Variants in AKAP6 observed in about 807,000 individuals in gnomAD.
AKAP6 encodes the protein A-kinase anchoring protein 6, also known as A-kinase anchor protein 6.
A neutral mutation model predicts 188.5 loss-of-function variants in AKAP6; 58 were observed. The ratio of observed to expected loss-of-function variants is 0.31; its 90% CI spans 0.25 to 0.38. The LOEUF is 0.38. Ranked by LOEUF, AKAP6 falls within the 10% of genes least tolerant of loss-of-function variation. The pLI is 1.00. For synonymous variants in AKAP6, 989 were observed against 998.6 expected, an observed-to-expected ratio of 0.99 and a Z score of 0.18; for missense variants, 2,710 against 2,740.0, an observed-to-expected ratio of 0.99 and a Z score of 0.24.
chr14:32,539,757 TCA>T (rs1324179962), intron 3 of AKAP6, among the ~76,000 whole-genome samples: 1 of 152,218 alleles, frequency 6.6e-6, no homozygotes, highest in African/African-American at 2.4e-5. Context: ...TTGTTGTACT[TCA>T]CAGTTGCTTG....
In AKAP6 at chr14:32,824,367, C is replaced by G. The variant is rs778491883; in HGVS notation, c.6554C>G (p.Ala2185Gly). The G allele has an allele frequency of 5.6e-6, 9 of 1,613,820 alleles. No homozygotes were observed. The highest frequency in any genetic ancestry group is 4.0e-5 in the African/African-American group (3 of 74,920). The change falls in exon 13 of 14, where the codon GCT becomes GGT. Residue 2185 changes from alanine (A) to glycine (G), a missense_variant. Physicochemically the swap from Ala to Gly is moderately conservative, Grantham distance 60. Around this residue, in one of 2 missense-constraint regions of AKAP6, gnomAD observed 2,473 missense variants for 2,426.1 expected, o/e 1.02. Coordinates refer to ENST00000280979, the MANE Select transcript of AKAP6 (RefSeq NM_004274.5). ...PPNESAVPSE[A>G]AMPLQATACS... Reference sequence around the variant, plus strand: ...AATGAATCTGCAGTTCCCAGCGAAGCTGCAATGCCACTACAAGCAACAGCA... The same window carrying G: ...AATGAATCTGCAGTTCCCAGCGAAGGTGCAATGCCACTACAAGCAACAGCA...
intron 2 of AKAP6, among the ~76,000 whole-genome samples, chr14:32,448,412 G>T (rs915302234): frequency 6.6e-6 from 1 of 151,998 alleles, no homozygotes; most frequent in Non-Finnish European, 1.5e-5. Context: ...GTAATAATTC[G>T]AGTGAGCTAC....
In AKAP6 at chr14:32,830,054, G is replaced by C. The variant is rs1484185811; in HGVS notation, c.*249G>C. On this transcript the variant is annotated 3_prime_UTR_variant, in exon 14 of 14. Transcript: ENST00000280979. ...ATCGTCTTTGAAGTTCAGCAAAGCT[G>C]CTTGTTCTCCCATGGATTCCTGTCC... 8.8e-6 allele frequency: 6 copies of C among 680,188 alleles called. No individual in the cohort carries two copies. Among genetic ancestry groups the C allele is most frequent in the Non-Finnish European group, 1.3e-5 (5 of 372,508 alleles). The allele number at this position is 680,188 out of a possible 1,614,324, so 42.1% of individuals were successfully genotyped here. A position where few individuals can be genotyped will look rare whatever the true frequency, so the allele number is the denominator to read the frequency against.
chr14:32,679,359 C>T (rs1285682500), intron 8 of AKAP6, among the ~76,000 whole-genome samples: 3 of 151,904 alleles, frequency 2.0e-5, no homozygotes, highest in Non-Finnish European at 4.4e-5. Flanking sequence ...GAAACAGTAA[C>T]CTATTTTACT....
chr14:32,524,208 G>C (rs1213187250), intron 2 of AKAP6, among the ~76,000 whole-genome samples: 4 of 152,018 alleles, frequency 2.6e-5, no homozygotes, highest in Admixed American at 1.3e-4. Flanking sequence ...ATAAAAACTG[G>C]GCAAAAGTAA....
chr14:32,692,580 A>G (rs1449067448), intron 8 of AKAP6, among the ~76,000 whole-genome samples: 3 of 152,102 alleles, frequency 2.0e-5, no homozygotes, highest in South Asian at 2.1e-4. Context: ...CACTGGTTGT[A>G]TTGGTATTGG....
chr14:32,493,119 A>G (rs1008563587), intron 2 of AKAP6, among the ~76,000 whole-genome samples: 12 of 152,192 alleles, frequency 7.9e-5, no homozygotes, highest in Non-Finnish European at 1.3e-4. Flanking sequence ...TGAGGAAGGT[A>G]GATTCTAATT....
intron 5 of AKAP6, among the ~76,000 whole-genome samples, chr14:32,581,129 C>T (rs1884950589): frequency 6.6e-6 from 1 of 152,212 alleles, no homozygotes; most frequent in Admixed American, 6.5e-5. Context: ...AATTGCCACA[C>T]TGACTTCCAC....
intron 9 of AKAP6, among the ~76,000 whole-genome samples, chr14:32,727,998 G>A (rs2030957808): frequency 6.6e-6 from 1 of 152,194 alleles, no homozygotes; most frequent in Admixed American, 6.5e-5. Context: ...CTGCTGCACA[G>A]GCAACACTGG....
chr14:32,388,449 TTGTC>T (rs1888603401), intron 1 of AKAP6, among the ~76,000 whole-genome samples: 2 of 151,506 alleles, frequency 1.3e-5, no homozygotes, highest in African/African-American at 4.8e-5. Context: ...GAGGTCTAGA[TTGTC>T]TGTGCTCTTT....
Position 32,678,393 on chromosome 14 carries a change from C to T in AKAP6, c.2813C>T (p.Thr938Ile), listed in dbSNP as rs1308269044. 6.2e-7 allele frequency: 1 copy of T among 1,613,866 alleles called. No homozygotes were observed. The highest frequency in any genetic ancestry group is 1.7e-4 in the Middle Eastern group (1 of 6,060). ...MSLKLYSEQY[T>I]SSSKRKEEFA... ...CTCAAGCTGTACAGCGAGCAGTATA[C>T]CAGCAGCAGCAAGCGAAAGGAAGAG... is the stretch of plus-strand genomic sequence containing the variant. Residue 938 changes from threonine to isoleucine, a missense_variant, in exon 8 of 14, where the codon ACC becomes ATC. Physicochemically the swap from Thr to Ile is moderately conservative, Grantham distance 89 (BLOSUM62 -1). Coordinates refer to ENST00000280979, the MANE Select transcript of AKAP6 (RefSeq NM_004274.5).
intron 2 of AKAP6, among the ~76,000 whole-genome samples, chr14:32,528,669 A>G (rs545931355): frequency 6.6e-6 from 1 of 152,146 alleles, no homozygotes; most frequent in Admixed American, 6.6e-5. Flanking sequence ...TTTGCCTCAC[A>G]TAAACTTTAT....
chr14:32,477,600 C>G lies in AKAP6; in HGVS notation c.324+43783C>G, dbSNP rs1879136400. On this transcript the variant is annotated intron_variant, in intron 2 of 13. Coordinates refer to ENST00000280979, the MANE Select transcript of AKAP6 (RefSeq NM_004274.5). ...TCTGTCCTAACAAATGAATTTAGTGCTGCAATTTCAAGACGGTGTTGTATC... is the reference window on the plus strand; with the variant it reads ...TCTGTCCTAACAAATGAATTTAGTGGTGCAATTTCAAGACGGTGTTGTATC... Among the ~76,000 whole-genome samples the G allele has an allele frequency of 4.6e-5, 7 of 152,300 alleles. 1 individual carries two copies. In the South Asian group the frequency reaches 1.5e-3, roughly 32 times the overall value.
intron 9 of AKAP6, among the ~76,000 whole-genome samples, chr14:32,723,991 G>A (rs949159637): frequency 2.0e-5 from 3 of 152,152 alleles, no homozygotes; most frequent in Non-Finnish European, 4.4e-5. Context: ...ACCACCATTG[G>A]TAGATTGGAA....
intron 2 of AKAP6, among the ~76,000 whole-genome samples, chr14:32,457,813 A>G (rs1456162953): frequency 6.6e-6 from 1 of 152,218 alleles, no homozygotes; most frequent in African/African-American, 2.4e-5. Context: ...TTAGTTATAT[A>G]ATTGGGACCC....
chr14:32,616,601 G>T (rs1000543621), intron 7 of AKAP6, among the ~76,000 whole-genome samples: 2 of 152,152 alleles, frequency 1.3e-5, no homozygotes, highest in Non-Finnish European at 2.9e-5. Context: ...CTTTTGGAGG[G>T]TGGAGGGTGG....
intron 7 of AKAP6, among the ~76,000 whole-genome samples, chr14:32,674,979 G>A (rs1017795715): frequency 1.3e-5 from 2 of 152,172 alleles, no homozygotes; most frequent in African/African-American, 4.8e-5. Flanking sequence ...CAGTGGTAAT[G>A]AAGGCCTAGA....
intron 9 of AKAP6, among the ~76,000 whole-genome samples, chr14:32,711,384 G>T (rs576668098): frequency 6.6e-6 from 1 of 151,962 alleles, no homozygotes; most frequent in African/African-American, 2.4e-5. Context: ...CTTCTCTGGC[G>T]GCTTGACTGC....
chr14:32,489,402 G>A (rs1035353548), intron 2 of AKAP6, among the ~76,000 whole-genome samples: 14 of 152,030 alleles, frequency 9.2e-5, no homozygotes, highest in African/African-American at 3.1e-4. Flanking sequence ...TAGAGATGAT[G>A]TCTCTCTATG....
Sources: allele counts gnomAD v4.1 joint callset (sites outside exome capture counted in the v4.1 genomes callset), GRCh38; gene constraint gnomAD v4.1.1; regional missense constraint gnomAD v4.1.1; transcripts MANE v1.5; gene names NCBI Gene and HGNC (gene_info 2026-07-23, HGNC 2026-07-21).